CTNNAL1: variants seen among roughly 807,000 people sequenced by gnomAD.
CTNNAL1 encodes catenin alpha like 1, also known as alpha-catulin.
Under a neutral mutation model 93.6 loss-of-function variants are expected in CTNNAL1, and 69 were observed. That is an observed-to-expected ratio of 0.74 (90% CI 0.61 to 0.90). The LOEUF (loss-of-function observed/expected upper bound fraction) is 0.90. Ranked by LOEUF, CTNNAL1 falls within the 40% of genes least tolerant of loss-of-function variation. The probability of loss-of-function intolerance (pLI) is 0.00; values close to 1 mark genes in which losing one functional copy is unlikely to be tolerated. For synonymous variants in CTNNAL1, 286 were observed against 305.4 expected (o/e 0.94, Z 0.66); for missense variants, 836 against 862.0 (o/e 0.97, Z 0.38).
At chr9:108,970,038 T>C (rs921063692) in intron 10 of CTNNAL1, among the ~76,000 whole-genome samples, 1 of 152,222 alleles carries the variant, frequency 6.6e-6, no homozygotes. Context: ...GTCCTAATTA[T>C]TAGCATGAAA....
At chr9:108,965,709 G>C (rs775770754) in intron 10 of CTNNAL1, among the ~76,000 whole-genome samples, 181 bp from the exon 11 acceptor site, 9 of 152,300 alleles carry the variant, frequency 5.9e-5, no homozygotes, top group Non-Finnish European at 1.3e-4. Flanking sequence ...AAAATTTGCT[G>C]TTTCTTATAA....
At position 108,942,700 on chromosome 9, in the gene CTNNAL1, G is replaced by A; in HGVS notation, c.*69C>T. On this transcript the variant is annotated 3_prime_UTR_variant, in exon 19 of 19. Transcript: ENST00000325551. ...ATTGATGAATTTCTGAAAAGATAAAGGATCATTTGATTTTTAAAAATGTCA... is the reference window on the plus strand; with the variant it reads ...ATTGATGAATTTCTGAAAAGATAAAAGATCATTTGATTTTTAAAAATGTCA... 9.8e-7 allele frequency: 1 copy of A among 1,024,136 alleles called. No homozygotes were observed. The highest frequency in any genetic ancestry group is 1.5e-6 in the Non-Finnish European group (1 of 669,486). 63.4% of individuals were successfully genotyped at this position (1,024,136 alleles called of 1,614,324 possible). A position where few individuals can be genotyped will look rare whatever the true frequency, so the allele number is the denominator to read the frequency against.
chr9:108,990,671 C>T (rs779390533), intron 4 of CTNNAL1, 55 bp downstream of exon 4: 12 of 1,561,078 alleles, frequency 7.7e-6, no homozygotes, highest in Middle Eastern at 1.9e-4. Context: ...ATACCTCCAT[C>T]CAAACTAAAA....
Position 108,992,639 on chromosome 9 carries a change from C to A in CTNNAL1, c.512G>T (p.Arg171Ile), listed in dbSNP as rs1042343653. The A allele has an allele frequency of 6.2e-7, 1 of 1,607,960 alleles. No individual in the cohort carries two copies. The highest frequency in any genetic ancestry group is 8.5e-7 in the Non-Finnish European group (1 of 1,177,730). Residue 171 changes from arginine (R) to isoleucine (I), a missense_variant, in exon 3 of 19, where the codon AGA (arginine) becomes ATA (isoleucine). Transcript: ENST00000325551. ...CATCAGAAAGGTAAGTACCTTATTT[C>A]TTGATGTTATTATCTGTTTAATGAC... ...RVVIKQIITS[R>I]NKVLATMERL...
At chr9:108,972,864 G>GGGGGGGGGGCCCCC in intron 8 of CTNNAL1, 31 bp from the exon 9 acceptor site, 22 of 142,444 alleles carry the variant, frequency 1.5e-4, no homozygotes, top group Non-Finnish European at 2.1e-4. Flanking sequence ...GGGGGGGTGG[G>GGGGGGGGGGCCCCC]AGGGTGGAGA....
At chr9:109,009,908 CATAGAG>C (rs1444367114) in intron 1 of CTNNAL1, among the ~76,000 whole-genome samples, 2 of 152,168 alleles carry the variant, frequency 1.3e-5, no homozygotes, top group Non-Finnish European at 2.9e-5. Context: ...GCTGTGTATA[CATAGAG>C]ATAGAGCTCT....
Position 108,977,022 on chromosome 9 carries a change from A to G in CTNNAL1, c.1128T>C (p.Ala376=), listed in dbSNP as rs1831286786. The G allele has an allele frequency of 1.3e-6, 2 of 1,538,142 alleles. No individual in the cohort carries two copies. Among genetic ancestry groups the G allele is most frequent in the African/African-American group, 2.8e-5 (2 of 71,350 alleles). ...QAQSKKTKSI[A]EELELSILKI... is the part of the protein sequence containing the mutation. ...TCAAAATACTGAGTTCCAGTTCTTC[A>G]GCGATGCTTTTTGTTTTCTTGCTTT... The change falls in exon 8 of 19, where the codon GCT becomes GCC. Residue 376 remains alanine, a synonymous_variant. Transcript: ENST00000325551.
At chr9:108,960,848 G>A (rs1411543534) in intron 11 of CTNNAL1, among the ~76,000 whole-genome samples, 2 of 152,220 alleles carry the variant, frequency 1.3e-5, no homozygotes, top group African/African-American at 4.8e-5. Context: ...CTCCCTGGAG[G>A]TTTGGGTGAG....
intron 1 of CTNNAL1, among the ~76,000 whole-genome samples, chr9:109,012,708 G>A (rs944684704): frequency 6.6e-6 from 1 of 152,232 alleles, no homozygotes; most frequent in Non-Finnish European, 1.5e-5. Context: ...GCAGAAGTGA[G>A]CAGCAGCAGG....
chr9:108,973,346 C>A (rs1441943305), intron 8 of CTNNAL1, among the ~76,000 whole-genome samples: 2 of 152,098 alleles, frequency 1.3e-5, no homozygotes, highest in Non-Finnish European at 2.9e-5. Context: ...CTTTAGCATA[C>A]TTTTGAAAAA....
At chr9:108,977,697 G>A (rs1831304214) in intron 7 of CTNNAL1, among the ~76,000 whole-genome samples, 1 of 152,100 alleles carries the variant, frequency 6.6e-6, no homozygotes, top group South Asian at 2.1e-4. Context: ...CATAGCAAAT[G>A]GTAGGTCGTA....
At chr9:108,985,231 T>C (rs1831569771) in intron 4 of CTNNAL1, among the ~76,000 whole-genome samples, 1 of 152,228 alleles carries the variant, frequency 6.6e-6, no homozygotes, top group Non-Finnish European at 1.5e-5. Context: ...TTCTGAGCTA[T>C]ATGGTCTCCA....
At chr9:108,994,969 C>A (rs1359158465) in intron 2 of CTNNAL1, among the ~76,000 whole-genome samples, 1 of 152,178 alleles carries the variant, frequency 6.6e-6, no homozygotes, top group African/African-American at 2.4e-5. Context: ...GGAAGCAGAC[C>A]TGCAGTGCAC....
chr9:108,962,184 G>A (rs974943348), intron 11 of CTNNAL1, among the ~76,000 whole-genome samples: 1 of 152,122 alleles, frequency 6.6e-6, no homozygotes, highest in African/African-American at 2.4e-5. Flanking sequence ...CTGTCTCCAG[G>A]GTTACTGAGA....
chr9:109,002,626 GAA>G (rs1826874261), intron 1 of CTNNAL1, among the ~76,000 whole-genome samples: 1 of 152,230 alleles, frequency 6.6e-6, no homozygotes, highest in African/African-American at 2.4e-5. Flanking sequence ...AAATGTAAGA[GAA>G]GAGAAAAATT....
In CTNNAL1 at chr9:108,943,728, G is replaced by C. The variant is rs772470823; in HGVS notation, c.2030C>G (p.Ser677Cys). The C allele has an allele frequency of 1.9e-6, 3 of 1,612,758 alleles. No individual in the cohort carries two copies. The South Asian group carries it at 3.3e-5, about 18-fold the overall frequency. Residue 677 changes from serine to cysteine, a missense_variant, in exon 17 of 19, where the codon TCT becomes TGT. Physicochemically the swap from Ser to Cys is moderately radical, Grantham distance 112 (BLOSUM62 -1). Coordinates refer to ENST00000325551, the MANE Select transcript of CTNNAL1 (RefSeq NM_003798.4). The stretch of plus-strand genomic sequence containing the variant: ...CTTTAGAAATACTTTATTCTGCAAA[G>C]AAGTCTTAGTTACTGTCTGGAGCTG... ...CHQLQTVTKTSLQNKVFLKVD... is the reference protein window; with the variant it reads ...CHQLQTVTKTCLQNKVFLKVD...
chr9:108,959,224 G>T (rs1339514576), intron 11 of CTNNAL1, among the ~76,000 whole-genome samples: 3 of 151,706 alleles, frequency 2.0e-5, no homozygotes, highest in Admixed American at 6.6e-5. Context: ...AATTAGCCGG[G>T]TGTGGTGGTG....
intron 11 of CTNNAL1, among the ~76,000 whole-genome samples, chr9:108,958,361 A>G (rs1830738395): frequency 6.6e-6 from 1 of 152,214 alleles, no homozygotes; most frequent in Non-Finnish European, 1.5e-5. Flanking sequence ...AAATAAATCC[A>G]ATGAAAAGAA....
intron 11 of CTNNAL1, among the ~76,000 whole-genome samples, chr9:108,958,540 T>G (rs1337206586): frequency 6.6e-6 from 1 of 152,114 alleles, no homozygotes; most frequent in Non-Finnish European, 1.5e-5. Flanking sequence ...ATTGCAAAAT[T>G]GATCATTTTT....
Sources: gnomAD v4.1 joint callset for allele counts (sites outside exome capture counted in the v4.1 genomes callset) on GRCh38, gnomAD v4.1.1 for gene constraint, MANE v1.5 for transcripts, NCBI Gene and HGNC (gene_info 2026-07-23, HGNC 2026-07-21) for gene names.